Variants in CNTNAP3B observed in about 807,000 individuals in gnomAD.
CNTNAP3B encodes the protein contactin associated protein family member 3B, also known as contactin-associated protein-like 3B.
Under a neutral mutation model 108.9 loss-of-function variants are expected in CNTNAP3B, and 25 were observed. The ratio of observed to expected loss-of-function variants is 0.23; its 90% CI spans 0.17 to 0.32. The LOEUF (loss-of-function observed/expected upper bound fraction) is 0.32, where lower values mean the gene tolerates loss of function less well. Ranked by LOEUF, CNTNAP3B falls within the 10% of genes least tolerant of loss-of-function variation. The pLI is 1.00. For missense variants in CNTNAP3B, 252 were observed against 1,210.4 expected, an observed-to-expected ratio of 0.21 and a Z score of 11.75; for synonymous variants, 103 against 473.4, an observed-to-expected ratio of 0.22 and a Z score of 10.16.
intron 3 of CNTNAP3B, among the ~76,000 whole-genome samples, chr9:42,056,762 C>T (rs1214812296): frequency 1.6e-5 from 2 of 123,818 alleles, no homozygotes; most frequent in African/African-American, 6.8e-5. Flanking sequence ...GAGCACTTTA[C>T]AAAAAAACTG....
At chr9:41,919,012 A>T (rs1388641533) in intron 18 of CNTNAP3B, among the ~76,000 whole-genome samples, 1 of 152,268 alleles carries the variant, frequency 6.6e-6, no homozygotes, top group Admixed American at 6.5e-5. Flanking sequence ...AGAGACACTT[A>T]AACACACAAT....
intron 3 of CNTNAP3B, among the ~76,000 whole-genome samples, chr9:42,071,586 A>G (rs1334970815): frequency 1.4e-5 from 2 of 139,264 alleles, no homozygotes; most frequent in Non-Finnish European, 3.1e-5. Context: ...TAAAGAAAAT[A>G]AAATTCTATA....
intron 3 of CNTNAP3B, among the ~76,000 whole-genome samples, chr9:42,054,018 G>A (rs1363308590): frequency 5.3e-5 from 8 of 151,940 alleles, no homozygotes; most frequent in Non-Finnish European, 8.8e-5. Flanking sequence ...GGAGGACTGA[G>A]CAAAGCTAAC....
intron 3 of CNTNAP3B, among the ~76,000 whole-genome samples, chr9:42,056,981 A>G (rs1259407730): frequency 1.2e-4 from 4 of 32,096 alleles, no homozygotes; most frequent in Non-Finnish European, 1.1e-4. Context: ...TAATTCATCT[A>G]CAATCTACTT....
In CNTNAP3B at chr9:42,014,717, G is replaced by A. The variant is rs1274173280; in HGVS notation, c.391-1192C>T. On this transcript the variant is annotated intron_variant, in intron 3 of 23. Transcript: ENST00000377561. Reference sequence around the variant, plus strand: ...GAGGCAGAAGAATGGTGTGAACCCGGGAGGTGGAGCTTGCAGTGAGCCGAG... The same window carrying A: ...GAGGCAGAAGAATGGTGTGAACCCGAGAGGTGGAGCTTGCAGTGAGCCGAG... 1.3e-4 allele frequency among the ~76,000 whole-genome samples: 7 copies of A among 53,960 alleles called. No individual in the cohort carries two copies. The Admixed American group carries it at 1.4e-3, about 11-fold the overall frequency. The allele number at this position is 53,960 out of a possible 152,430, so 35.4% of individuals were successfully genotyped here. A position where few individuals can be genotyped will look rare whatever the true frequency, so the allele number is the denominator to read the frequency against.
intron 3 of CNTNAP3B, among the ~76,000 whole-genome samples, chr9:42,030,750 C>CAGAGAGAGACAG (rs1554751462): frequency 9.9e-5 from 6 of 60,404 alleles, no homozygotes; most frequent in Non-Finnish European, 1.8e-4. Context: ...GAAAGAGATA[C>CAGAGAGAGACAG]AGAGAGAGAG....
At position 42,129,387 on chromosome 9, in the gene CNTNAP3B, G is replaced by A; in HGVS notation, c.-293C>T. The A allele has an allele frequency of 3.2e-6, 1 of 317,304 alleles. No homozygotes were observed. The highest frequency in any genetic ancestry group is 5.1e-6 in the Non-Finnish European group (1 of 196,612). 19.7% of individuals were successfully genotyped at this position (317,304 alleles called of 1,614,324 possible). A position where few individuals can be genotyped will look rare whatever the true frequency, so the allele number is the denominator to read the frequency against. On this transcript the variant is annotated 5_prime_UTR_variant, in exon 1 of 24. Transcript: ENST00000377561. ...GAGGCGGCAGGTTCAGGCGCGTCCC[G>A]GACACTAGGCGCGGGAGGCGGCCGG... is the stretch of plus-strand genomic sequence containing the variant.
chr9:42,120,092 T>A (rs1244394771), intron 1 of CNTNAP3B, among the ~76,000 whole-genome samples: 1 of 150,858 alleles, frequency 6.6e-6, no homozygotes, highest in Non-Finnish European at 1.5e-5. Flanking sequence ...AAAGGGCTAA[T>A]ATCCAGAATC....
At chr9:41,951,179 C>T (rs74786927) in intron 13 of CNTNAP3B, among the ~76,000 whole-genome samples, 8 of 146,862 alleles carry the variant, frequency 5.4e-5, no homozygotes, top group African/African-American at 1.5e-4. Context: ...AACTGCTTAA[C>T]GGCTATTCGG....
intron 3 of CNTNAP3B, among the ~76,000 whole-genome samples, chr9:42,024,878 T>A (rs1826390008): frequency 6.9e-6 from 1 of 144,452 alleles, no homozygotes; most frequent in Non-Finnish European, 1.5e-5. Flanking sequence ...TCAGGTTGAA[T>A]CCTTTGCGTC....
At position 41,948,608 on chromosome 9, in the gene CNTNAP3B, C is replaced by G. The variant is rs527678128; in HGVS notation, c.2080+4575G>C. ...AATATTCAATAAAATATTAATAAAT[C>G]AAACACATTAGAAATGTATTTTTTA... On this transcript the variant is annotated intron_variant, in intron 13 of 23. Transcript: ENST00000377561. Among the ~76,000 whole-genome samples the G allele has an allele frequency of 5.3e-5, 8 of 151,768 alleles. No individual in the cohort carries two copies. In the East Asian group the frequency reaches 7.8e-4, roughly 15 times the overall value.
intron 9 of CNTNAP3B, chr9:41,983,606 A>T (rs1825673205): frequency 2.2e-5 from 2 of 89,312 alleles, no homozygotes; most frequent in South Asian, 3.4e-4. Context: ...TCCTCAGCAC[A>T]TGAAATTTCT....
chr9:41,934,218 CTTTT>C (rs760498324), intron 14 of CNTNAP3B, among the ~76,000 whole-genome samples: 6 of 118,842 alleles, frequency 5.0e-5, no homozygotes, highest in South Asian at 2.5e-4. Context: ...CACACACATA[CTTTT>C]TTTTTTTTTT....
chr9:41,976,130 C>A, intron 9 of CNTNAP3B, among the ~76,000 whole-genome samples: 1 of 57,356 alleles, frequency 1.7e-5, no homozygotes. Flanking sequence ...TTTCTCCAGG[C>A]CAGTATAAAA....
intron 17 of CNTNAP3B, among the ~76,000 whole-genome samples, chr9:41,920,861 C>G (rs1311238850): frequency 6.6e-6 from 1 of 152,306 alleles, no homozygotes; most frequent in Non-Finnish European, 1.5e-5. Context: ...TGACACCATA[C>G]CCCAGGATCT....
At position 42,114,981 on chromosome 9, in the gene CNTNAP3B, G is replaced by A. The variant is rs1199313401; in HGVS notation, c.86-10242C>T. Among the ~76,000 whole-genome samples, 17 of 136,940 alleles carry A rather than the reference G, an allele frequency of 1.2e-4. 3 individuals carry two copies. Among genetic ancestry groups the A allele is most frequent in the Admixed American group, 6.5e-4 (9 of 13,742 alleles). 89.8% of individuals were successfully genotyped at this position (136,940 alleles called of 152,430 possible). The stretch of plus-strand genomic sequence containing the variant: ...AGGCAGGAGAATCACTGGAACCCGG[G>A]AGGTGGAGGTTGCAGTGAGCCAAGA... On this transcript the variant is annotated intron_variant, in intron 1 of 23. Coordinates refer to ENST00000377561, the MANE Select transcript of CNTNAP3B (RefSeq NM_001201380.3).
At chr9:41,952,913 A>G (rs992292023) in intron 13 of CNTNAP3B, among the ~76,000 whole-genome samples, 2 of 151,926 alleles carry the variant, frequency 1.3e-5, no homozygotes, top group Admixed American at 6.6e-5. Flanking sequence ...AAGCTAAGGC[A>G]TAAGTTATTA....
At chr9:42,020,028 CA>C (rs1220456705) in intron 3 of CNTNAP3B, among the ~76,000 whole-genome samples, 129 of 125,154 alleles carry the variant, frequency 1.0e-3, no homozygotes, top group Middle Eastern at 3.6e-3. Context: ...AGCATCCTAT[CA>C]TTTTTTTAAA....
At chr9:42,125,487 G>A (rs1828546747) in intron 1 of CNTNAP3B, among the ~76,000 whole-genome samples, 1 of 140,820 alleles carries the variant, frequency 7.1e-6, no homozygotes, top group South Asian at 2.3e-4. Flanking sequence ...GGACTGAATT[G>A]TTCAAAAAGA....
Sources: allele counts gnomAD v4.1 joint callset (sites outside exome capture counted in the v4.1 genomes callset), GRCh38; gene constraint gnomAD v4.1.1; transcripts MANE v1.5; gene names NCBI Gene and HGNC (gene_info 2026-07-23, HGNC 2026-07-21).